ZNF761: variants seen among roughly 807,000 people sequenced by gnomAD.
The protein encoded by ZNF761 is zinc finger protein 761.
A neutral mutation model predicts 59.9 loss-of-function variants in ZNF761; 43 were observed. That is an observed-to-expected ratio of 0.72 (90% CI 0.56 to 0.92). ZNF761 has a LOEUF of 0.92. Ranked by LOEUF, ZNF761 falls within the 40% of genes least tolerant of loss-of-function variation. The pLI, the probability that ZNF761 is intolerant of heterozygous loss-of-function variation, is 0.00. For synonymous variants in ZNF761, 294 were observed against 304.8 expected (o/e 0.96, Z 0.37); for missense variants, 850 against 906.1 (o/e 0.94, Z 0.79).
intron 4 of ZNF761, among the ~76,000 whole-genome samples, chr19:53,453,359 T>A (rs1174657731): frequency 5.9e-5 from 9 of 152,182 alleles, no homozygotes. Flanking sequence ...ATGGTAGTGA[T>A]CTTAACATGT....
Position 53,456,159 on chromosome 19 carries a change from A to G in ZNF761, c.1652A>G (p.Lys551Arg), listed in dbSNP as rs1555839369. The change falls in exon 5 of 5, where the codon AAG becomes AGG. Residue 551 changes from lysine to arginine, a missense_variant. Lys to Arg is a conservative substitution (Grantham distance 26). Transcript: ENST00000684525. ...RRLHSGEKPY[K>R]CKECGKTFNQ... ...CTTCATTCTGGAGAGAAACCTTACA[A>G]GTGTAAGGAGTGTGGCAAGACCTTC... is the stretch of plus-strand genomic sequence containing the variant. The G allele has an allele frequency of 8.1e-6, 13 of 1,614,102 alleles. No homozygotes were observed. The South Asian group carries it at 1.4e-4, about 18-fold the overall frequency.
chr19:53,432,784 A>T (rs565910060), intron 1 of ZNF761, among the ~76,000 whole-genome samples: 3 of 152,164 alleles, frequency 2.0e-5, no homozygotes, highest in Admixed American at 6.6e-5. Flanking sequence ...AGAGACAGCA[A>T]AAGTGAAAAG....
chr19:53,442,383 G>A (rs1408952652), intron 1 of ZNF761: 2 of 1,012,638 alleles, frequency 2.0e-6, no homozygotes, highest in Non-Finnish European at 1.5e-6. Flanking sequence ...GAGTGCAGCT[G>A]AAGAAAAGTA....
intron 1 of ZNF761, among the ~76,000 whole-genome samples, chr19:53,434,185 G>A (rs926393614): frequency 8.5e-5 from 13 of 152,176 alleles, no homozygotes; most frequent in African/African-American, 2.9e-4. Flanking sequence ...CTTATCTTGT[G>A]CCCAGGTAGC....
At chr19:53,451,699 C>T (rs2086223358) in intron 4 of ZNF761, among the ~76,000 whole-genome samples, 2 of 151,714 alleles carry the variant, frequency 1.3e-5, no homozygotes, top group African/African-American at 4.8e-5. Context: ...TCTCCTGCTT[C>T]AGTCTCCCAG....
At chr19:53,453,301 A>G (rs1403532073) in intron 4 of ZNF761, among the ~76,000 whole-genome samples, 1 of 152,116 alleles carries the variant, frequency 6.6e-6, no homozygotes, top group Non-Finnish European at 1.5e-5. Context: ...CTGTTAGTCA[A>G]TTCTTATTCC....
At chr19:53,439,282 A>AAG (rs1453184131) in intron 1 of ZNF761, among the ~76,000 whole-genome samples, 1 of 151,490 alleles carries the variant, frequency 6.6e-6, no homozygotes, top group Non-Finnish European at 1.5e-5. Flanking sequence ...AAAAAAAAAA[A>AAG]AAAAGATTGT....
Position 53,451,749 on chromosome 19 carries a change from ATT to A in ZNF761, c.142+2132_142+2133del, listed in dbSNP as rs747022735. Reference sequence around the variant, plus strand: ...AGGCACATGCCACCACACCCGGCTAATTTTTTTTTTTTTTTTTTTTTTAGAAA... The same window carrying A: ...AGGCACATGCCACCACACCCGGCTAATTTTTTTTTTTTTTTTTTTTAGAAA... On this transcript the variant is annotated intron_variant, in intron 4 of 4. Transcript: ENST00000684525. Among the ~76,000 whole-genome samples, 539 of 128,398 alleles carry A rather than the reference ATT, an allele frequency of 4.2e-3. 2 individuals carry two copies. Among genetic ancestry groups the A allele is most frequent in the Middle Eastern group, 8.6e-3 (2 of 232 alleles). 84.2% of individuals were successfully genotyped at this position (128,398 alleles called of 152,430 possible). A position where few individuals can be genotyped will look rare whatever the true frequency, so the allele number is the denominator to read the frequency against.
In ZNF761 at chr19:53,456,500, A is replaced by G. The variant is rs1201953857; in HGVS notation, c.1993A>G (p.Asn665Asp). 6.2e-7 allele frequency: 1 copy of G among 1,613,332 alleles called. No individual in the cohort carries two copies. The highest frequency in any genetic ancestry group is 1.7e-5 in the Admixed American group (1 of 59,982). ...IHTGEKPYKC[N>D]ECGKTFSRKS... ...TACTGGAGAGAAACCTTACAAGTGT[A>G]ATGAGTGTGGCAAGACCTTTAGTCG... is the stretch of plus-strand genomic sequence containing the variant. The change falls in exon 5 of 5, where the codon AAT becomes GAT. Residue 665 changes from asparagine to aspartate, a missense_variant. By Grantham distance (23) the Asn-to-Asp change is conservative. Coordinates refer to ENST00000684525, the MANE Select transcript of ZNF761 (RefSeq NM_001289951.2).
chr19:53,455,353 G>C lies in ZNF761; in HGVS notation c.846G>C (p.Thr282=). 6.2e-7 allele frequency: 1 copy of C among 1,614,134 alleles called. No homozygotes were observed. The highest frequency in any genetic ancestry group is 8.5e-7 in the Non-Finnish European group (1 of 1,180,020). Residue 282 remains threonine, a synonymous_variant, in exon 5 of 5, where the codon ACG becomes ACC. Transcript: ENST00000684525. ...AGTGTGGCAAGACCTTCAGTCAGAC[G>C]TCATCCCTTACATGCCATCGTAGAC... The part of the protein sequence containing the change: ...CNECGKTFSQ[T]SSLTCHRRLH...
chr19:53,441,780 T>A (rs2086103432), intron 1 of ZNF761: 12 of 971,776 alleles, frequency 1.2e-5, no homozygotes, highest in Admixed American at 2.0e-5. Context: ...ATTTCTTTTT[T>A]AATTCATAAT....
At chr19:53,438,990 A>T (rs2086070845) in intron 1 of ZNF761, among the ~76,000 whole-genome samples, 1 of 152,076 alleles carries the variant, frequency 6.6e-6, no homozygotes, top group Non-Finnish European at 1.5e-5. Context: ...ATTGTGGGAG[A>T]GAACGGGGCA....
Position 53,442,767 on chromosome 19 carries a change from C to T in ZNF761, c.-184-3460C>T, listed in dbSNP as rs1006262167. The stretch of plus-strand genomic sequence containing the variant: ...CCTTCCCTGCCTCTTTTTCACCAAA[C>T]TGTCTCTGCCTCTTCCTGGAGATTC... On this transcript the variant is annotated intron_variant, in intron 1 of 4. Coordinates refer to ENST00000684525, the MANE Select transcript of ZNF761 (RefSeq NM_001289951.2). 2 of 353,370 alleles carry T rather than the reference C, an allele frequency of 5.7e-6. 1 individual carries two copies. Among genetic ancestry groups the T allele is most frequent in the Admixed American group, 6.2e-5 (2 of 32,160 alleles). 21.9% of individuals were successfully genotyped at this position (353,370 alleles called of 1,614,324 possible).
At chr19:53,433,542 G>C (rs12462041) in intron 1 of ZNF761, among the ~76,000 whole-genome samples, 4,395 of 151,990 alleles carry the variant, frequency 0.029, 124 homozygotes, top group East Asian at 0.14. Context: ...TTCTTGGAGT[G>C]AATGAATGCA....
chr19:53,457,484 C>G lies in ZNF761; in HGVS notation c.*736C>G. On this transcript the variant is annotated 3_prime_UTR_variant, in exon 5 of 5. Transcript: ENST00000684525. ...CAGAGAATGCATACTGGACAGAAAT[C>G]TTACAAATGTCATCAATGTGCCAAG... The G allele has an allele frequency of 2.5e-6, 1 of 393,952 alleles. No homozygotes were observed. The highest frequency in any genetic ancestry group is 2.0e-5 in the South Asian group (1 of 49,790). The allele number at this position is 393,952 out of a possible 1,614,324, so 24.4% of individuals were successfully genotyped here.
intron 3 of ZNF761, among the ~76,000 whole-genome samples, chr19:53,449,130 G>C (rs1353301406): frequency 1.3e-5 from 2 of 152,112 alleles, no homozygotes; most frequent in Non-Finnish European, 2.9e-5. Context: ...AGGAGTTTGA[G>C]ACCAACCTGG....
chr19:53,456,007 C>G lies in ZNF761; in HGVS notation c.1500C>G (p.Gly500=), dbSNP rs1316422718. The change falls in exon 5 of 5, where the codon GGC becomes GGG. Residue 500 remains glycine (G), a synonymous_variant. Transcript: ENST00000684525. ...GEKPYKCNEC[G]KTFSRKSYLT... ...AACCATACAAGTGTAATGAGTGTGG[C>G]AAGACCTTTAGTCGGAAGTCATACC... 1 of 1,613,878 alleles carries G rather than the reference C, an allele frequency of 6.2e-7. No individual in the cohort carries two copies. The highest frequency in any genetic ancestry group is 1.3e-5 in the African/African-American group (1 of 74,970).
Position 53,457,177 on chromosome 19 carries a change from A to G in ZNF761, c.*429A>G. On this transcript the variant is annotated 3_prime_UTR_variant, in exon 5 of 5. Transcript: ENST00000684525. ...CTTTACTAAGGTAATGATTGTCACA[A>G]AGTCTTCAGTAATGCTACAACCATT... The G allele has an allele frequency of 2.0e-5, 10 of 509,832 alleles. No homozygotes were observed. Among genetic ancestry groups the G allele is most frequent in the South Asian group, 1.1e-4 (7 of 64,704 alleles). 31.6% of individuals were successfully genotyped at this position (509,832 alleles called of 1,614,324 possible).
At chr19:53,442,745 T>C (rs12977782) in intron 1 of ZNF761, 187,364 of 283,004 alleles carry the variant, frequency 0.66, 83,526 homozygotes, top group Non-Finnish European at 0.69. Flanking sequence ...ACCCCCTCCT[T>C]CCCTGCCTCT....
Sources: allele counts gnomAD v4.1 joint callset (sites outside exome capture counted in the v4.1 genomes callset), GRCh38; gene constraint gnomAD v4.1.1; transcripts MANE v1.5; gene names NCBI Gene and HGNC (gene_info 2026-07-23, HGNC 2026-07-21).